DNAH2: variants seen among roughly 807,000 people sequenced by gnomAD.
The protein encoded by DNAH2 is dynein axonemal heavy chain 2.
A neutral mutation model predicts 523.5 loss-of-function variants in DNAH2; 323 were observed. That is an observed-to-expected ratio of 0.62 (90% CI 0.56 to 0.68). The LOEUF (loss-of-function observed/expected upper bound fraction) is 0.68, where lower values mean the gene tolerates loss of function less well. DNAH2 is among the 30% of genes least tolerant of loss of function. The probability of loss-of-function intolerance (pLI) is 0.00; values close to 1 mark genes in which losing one functional copy is unlikely to be tolerated. For missense variants in DNAH2, 4,907 were observed against 5,701.5 expected (o/e 0.86, Z 4.49); for synonymous variants, 2,093 against 2,177.4 (o/e 0.96, Z 1.08).
At position 7,816,549 on chromosome 17, in the gene DNAH2, G is replaced by A. The variant is rs200311475; in HGVS notation, c.9730-22G>A. On this transcript the variant is annotated intron_variant, in intron 63 of 85. Transcript: ENST00000572933. ...TGGCTGCGAGCCCTGTGTTTGATGC[G>A]CTATACTCGAATCTCTCCCAGGTAG... 3.9e-4 allele frequency: 634 copies of A among 1,613,846 alleles called. 11 individuals are homozygous for A. The South Asian group carries it at 4.7e-3, about 12-fold the overall frequency.
At position 7,828,537 on chromosome 17, in the gene DNAH2, G is replaced by A. The variant is rs892625245; in HGVS notation, c.11854-1763G>A. On this transcript the variant is annotated intron_variant, in intron 77 of 85. Coordinates refer to ENST00000572933, the MANE Select transcript of DNAH2 (RefSeq NM_020877.5). This position sits in a 1 kb window ranked among gnomAD's most constrained non-coding sequence, Gnocchi z 4.1. The stretch of plus-strand genomic sequence containing the variant: ...ACAATCATAGCACAATGGGATTGCG[G>A]GTGGCATGAGCCACTGTTCCCAGCC... 6.6e-6 allele frequency among the ~76,000 whole-genome samples: 1 copy of A among 151,942 alleles called. No homozygotes were observed. Among genetic ancestry groups the A allele is most frequent in the South Asian group, 2.1e-4 (1 of 4,814 alleles).
Position 7,740,931 on chromosome 17 carries a change from A to G in DNAH2, c.1628A>G (p.Gln543Arg), listed in dbSNP as rs960326129. The G allele has an allele frequency of 2.5e-6, 4 of 1,613,534 alleles. No individual in the cohort carries two copies. Among genetic ancestry groups the G allele is most frequent in the East Asian group, 2.2e-5 (1 of 44,842 alleles). Residue 543 changes from glutamine (Q) to arginine (R), a missense_variant, in exon 11 of 86, where the codon CAG (glutamine) becomes CGG (arginine). By Grantham distance (43) the Gln-to-Arg change is conservative (BLOSUM62 1). This residue lies in a region of DNAH2 where 2,806 missense variants were observed against 3,190.8 expected (regional missense o/e 0.88). Coordinates refer to ENST00000572933, the MANE Select transcript of DNAH2 (RefSeq NM_020877.5). The stretch of plus-strand genomic sequence containing the variant: ...CCAGACCTGGAGCCCTACGTGGCCC[A>G]GTATTCCGGAAAGGCGCGCTGGGTG... ...KWPDLEPYVAQYSGKARWVHI... is the reference protein window; with the variant it reads ...KWPDLEPYVARYSGKARWVHI...
In DNAH2 at chr17:7,781,244, G is replaced by T. The variant is rs112984665; in HGVS notation, c.6129+77G>T. The T allele has an allele frequency of 9.7e-6, 15 of 1,539,742 alleles. No homozygotes were observed. In the Middle Eastern group the frequency reaches 1.4e-3, roughly 139 times the overall value. ...AATCCCAGCACTTTGGGAGGCCGAG[G>T]TGGGCAGACTGTTTGAGTCCAGGAG... is the stretch of plus-strand genomic sequence containing the variant. On this transcript the variant is annotated intron_variant, in intron 39 of 85. Coordinates refer to ENST00000572933, the MANE Select transcript of DNAH2 (RefSeq NM_020877.5).
chr17:7,790,324 G>A (rs1173387341), intron 44 of DNAH2, among the ~76,000 whole-genome samples: 1 of 152,108 alleles, frequency 6.6e-6, no homozygotes, highest in African/African-American at 2.4e-5. Context: ...AACTTCCTGG[G>A]CTCAAACAAT....
rs73232331 is a variant in DNAH2, at chr17:7,760,503, A to T, written c.2786-237A>T. On this transcript the variant is annotated intron_variant, in intron 17 of 85. Coordinates refer to ENST00000572933, the MANE Select transcript of DNAH2 (RefSeq NM_020877.5). The surrounding 1 kb of genome is among the most constrained non-coding windows in gnomAD (Gnocchi z 4.0). ...AGACAAGCTTGGGACTGGGACTGGG[A>T]CTGGCCTGTAAGAGGCCTAGATACC... 4.7e-3 allele frequency among the ~76,000 whole-genome samples: 719 copies of T among 152,276 alleles called. 3 individuals are homozygous for T. The highest frequency in any genetic ancestry group is 0.017 in the African/African-American group (693 of 41,548).
At chr17:7,722,963 CCT>C (rs2074665302) in intron 2 of DNAH2, among the ~76,000 whole-genome samples, 3 of 141,058 alleles carry the variant, frequency 2.1e-5, no homozygotes, top group Non-Finnish European at 4.5e-5. Context: ...TCTTTTCTTT[CCT>C]TTTTTTTTTT....
In DNAH2 at chr17:7,718,153, G is replaced by A. The variant is rs575621456; in HGVS notation, c.-661G>A. 1 of 152,332 alleles carries A rather than the reference G, an allele frequency of 6.6e-6. No individual in the cohort carries two copies. The highest frequency in any genetic ancestry group is 1.5e-5 in the Non-Finnish European group (1 of 68,048). The allele number at this position is 152,332 out of a possible 1,614,324, so 9.4% of individuals were successfully genotyped here. On this transcript the variant is annotated 5_prime_UTR_variant, in exon 1 of 86. Transcript: ENST00000572933. Reference sequence around the variant, plus strand: ...CTGCGGTATTTCCTAGTACTAGAGTGAGCCCCGACTTAGCAGAGCAGTTCC... The same window carrying A: ...CTGCGGTATTTCCTAGTACTAGAGTAAGCCCCGACTTAGCAGAGCAGTTCC...
At chr17:7,771,161 T>C (rs373963667) in intron 27 of DNAH2, among the ~76,000 whole-genome samples, 169 bp from the exon 28 acceptor site, 16 of 152,258 alleles carry the variant, frequency 1.1e-4, no homozygotes, top group African/African-American at 3.6e-4. Flanking sequence ...TAGACCCAGG[T>C]AGCTGGCCCC....
chr17:7,830,854 G>A lies in DNAH2; in HGVS notation c.12230+12G>A. Reference sequence around the variant, plus strand: ...ACTCCCTTCCACCGGTGAGGGGGAGGTGGCCCTGGACAGGGAGCCAGAGGT... The same window carrying A: ...ACTCCCTTCCACCGGTGAGGGGGAGATGGCCCTGGACAGGGAGCCAGAGGT... On this transcript the variant is annotated intron_variant, in intron 79 of 85. Coordinates refer to ENST00000572933, the MANE Select transcript of DNAH2 (RefSeq NM_020877.5). The A allele has an allele frequency of 6.2e-7, 1 of 1,613,796 alleles. No homozygotes were observed. Among genetic ancestry groups the A allele is most frequent in the East Asian group, 2.2e-5 (1 of 44,888 alleles).
chr17:7,792,486 A>T lies in DNAH2; in HGVS notation c.7145+143A>T, dbSNP rs537929350. 709 of 1,034,180 alleles carry T rather than the reference A, an allele frequency of 6.9e-4. 6 individuals are homozygous for T. The highest frequency in any genetic ancestry group is 6.5e-5 in the Non-Finnish European group (45 of 692,668). 64.1% of individuals were successfully genotyped at this position (1,034,180 alleles called of 1,614,324 possible). On this transcript the variant is annotated intron_variant, in intron 46 of 85. Coordinates refer to ENST00000572933, the MANE Select transcript of DNAH2 (RefSeq NM_020877.5). Reference sequence around the variant, plus strand: ...AGAAGGGCTGCCTCTTGAGGACAGGAAGCGGGACCTAGAGGGCTTGGGACA... The same window carrying T: ...AGAAGGGCTGCCTCTTGAGGACAGGTAGCGGGACCTAGAGGGCTTGGGACA...
At chr17:7,752,050 C>T (rs796116760) in intron 12 of DNAH2, among the ~76,000 whole-genome samples, 8 of 151,440 alleles carry the variant, frequency 5.3e-5, no homozygotes, top group African/African-American at 1.5e-4. Context: ...GATCCTCTTC[C>T]GCCTCAGCCC....
rs1400193906 is a variant in DNAH2, at chr17:7,798,364, GATGCATAC to G, written c.8398+43_8398+50del. On this transcript the variant is annotated intron_variant, in intron 54 of 85. Transcript: ENST00000572933. The surrounding 1 kb of genome is among the most constrained non-coding windows in gnomAD (Gnocchi z 5.5). ...CTGAAATGCTAGGAATAAAAGATCA[GATGCATAC>G]ATTCCTGCAGTGACAAGAGAGGAGA... 1 of 1,583,372 alleles carries G rather than the reference GATGCATAC, an allele frequency of 6.3e-7. No individual in the cohort carries two copies. The highest frequency in any genetic ancestry group is 8.6e-7 in the Non-Finnish European group (1 of 1,162,832).
At chr17:7,753,624 A>G (rs1388956123) in intron 12 of DNAH2, among the ~76,000 whole-genome samples, 1 of 152,146 alleles carries the variant, frequency 6.6e-6, no homozygotes, top group African/African-American at 2.4e-5. Context: ...AGTGCGTTTG[A>G]AGAAAGTGGG....
intron 1 of DNAH2, among the ~76,000 whole-genome samples, chr17:7,719,083 A>G (rs1248358503): frequency 1.3e-5 from 2 of 150,282 alleles, no homozygotes; most frequent in African/African-American, 4.9e-5. Context: ...ACCCCGGGGC[A>G]GAGATAGAGG....
rs988623968 is a variant in DNAH2 at position 7,792,440 on chromosome 17, G to A, written c.7145+97G>A. 1.0e-5 allele frequency: 13 copies of A among 1,306,174 alleles called. No homozygotes were observed. The Admixed American group carries it at 2.3e-4, about 23-fold the overall frequency. 80.9% of individuals were successfully genotyped at this position (1,306,174 alleles called of 1,614,324 possible). A position where few individuals can be genotyped will look rare whatever the true frequency, so the allele number is the denominator to read the frequency against. On this transcript the variant is annotated intron_variant, in intron 46 of 85. Coordinates refer to ENST00000572933, the MANE Select transcript of DNAH2 (RefSeq NM_020877.5). ...GCCTAGAAGCAAAAATGAGCAATAG[G>A]AAGGAGAAGGTGGGTCCCAGAGAAG...
At position 7,740,835 on chromosome 17, in the gene DNAH2, A is replaced by G. The variant is rs893752774; in HGVS notation, c.1532A>G (p.Lys511Arg). 4.1e-5 allele frequency: 66 copies of G among 1,610,448 alleles called. No individual in the cohort carries two copies. Among genetic ancestry groups the G allele is most frequent in the Middle Eastern group, 3.3e-4 (2 of 6,050 alleles). ...GCTATCAAGCGGACTTATGACAAGA[A>G]GGCGGTGGATCTCTACATGCTGTTC... ...REAIKRTYDK[K>R]AVDLYMLFNS... The change falls in exon 11 of 86, where the codon AAG becomes AGG. Residue 511 changes from lysine (K) to arginine (R), a missense_variant. Coordinates refer to ENST00000572933, the MANE Select transcript of DNAH2 (RefSeq NM_020877.5).
In DNAH2 at chr17:7,771,376, C is replaced by T. The variant is rs751621935; in HGVS notation, c.4409C>T (p.Ser1470Leu). 2.0e-5 allele frequency: 32 copies of T among 1,613,982 alleles called. No homozygotes were observed. Among genetic ancestry groups the T allele is most frequent in the South Asian group, 3.3e-5 (3 of 91,078 alleles). ...EDIRKQLPNE[S>L]TLFDQVNSNW... ...ATCCGCAAGCAGCTGCCCAATGAAT[C>T]GACCTTATTTGACCAGGTCAACAGC... Residue 1470 changes from serine (S) to leucine (L), a missense_variant, in exon 28 of 86, where the codon TCG (serine) becomes TTG (leucine). Ser to Leu is a moderately radical substitution (Grantham distance 145). This residue lies in a region of DNAH2 where 2,806 missense variants were observed against 3,190.8 expected (regional missense o/e 0.88). Coordinates refer to ENST00000572933, the MANE Select transcript of DNAH2 (RefSeq NM_020877.5).
chr17:7,740,892 G>C lies in DNAH2; in HGVS notation c.1589G>C (p.Arg530Pro). 6.2e-7 allele frequency: 1 copy of C among 1,614,070 alleles called. No homozygotes were observed. The highest frequency in any genetic ancestry group is 8.5e-7 in the Non-Finnish European group (1 of 1,179,930). Residue 530 changes from arginine to proline, a missense_variant, in exon 11 of 86, where the codon CGG (arginine) becomes CCG (proline). Coordinates refer to ENST00000572933, the MANE Select transcript of DNAH2 (RefSeq NM_020877.5). ...NSELALVNRE[R>P]NKKWPDLEPY... is the part of the protein sequence containing the mutation. The stretch of plus-strand genomic sequence containing the variant: ...GAGCTGGCCCTGGTGAACCGTGAAC[G>C]GAACAAGAAATGGCCAGACCTGGAG...
intron 12 of DNAH2, among the ~76,000 whole-genome samples, chr17:7,753,069 A>G (rs1190365231): frequency 1.3e-5 from 2 of 152,056 alleles, no homozygotes; most frequent in South Asian, 2.1e-4. Context: ...TTATCATCAC[A>G]CTTGAGCCAC....
Sources: allele counts gnomAD v4.1 joint callset (sites outside exome capture counted in the v4.1 genomes callset), GRCh38; gene constraint gnomAD v4.1.1; regional missense constraint gnomAD v4.1.1; non-coding constraint Gnocchi (gnomAD v3.1); transcripts MANE v1.5; gene names NCBI Gene and HGNC (gene_info 2026-07-23, HGNC 2026-07-21).